Variants in ABHD10 observed in about 807,000 individuals in gnomAD.
ABHD10 encodes abhydrolase domain containing 10, depalmitoylase, also known as palmitoyl-protein thioesterase ABHD10, mitochondrial.
ABHD10 carries 22 observed loss-of-function variants against 33.1 expected under a neutral mutation model. The observed-to-expected ratio is 0.66, with a 90% CI of 0.47 to 0.95. The LOEUF (loss-of-function observed/expected upper bound fraction) is 0.95, where lower values mean the gene tolerates loss of function less well. ABHD10 is among the 40% of genes least tolerant of loss of function. ABHD10 has a pLI of 0.00. For synonymous variants in ABHD10, 146 were observed against 133.9 expected (o/e 1.09, Z -0.62); for missense variants, 352 against 379.9 (o/e 0.93, Z 0.61).
intron 3 of ABHD10, 131 bp from the exon 4 acceptor site, chr3:111,986,783 T>C: frequency 1.4e-6 from 1 of 721,376 alleles, no homozygotes; most frequent in Non-Finnish European, 2.1e-6. Flanking sequence ...TTTAAATGTT[T>C]AATCCATTTT....
At chr3:111,987,696 CTG>C (rs1248840439) in intron 4 of ABHD10, among the ~76,000 whole-genome samples, 2 of 152,200 alleles carry the variant, frequency 1.3e-5, no homozygotes, top group East Asian at 1.9e-4. Context: ...GAAAAAAAGA[CTG>C]TACACGTTCA....
chr3:111,984,321 T>C (rs2072625516), intron 2 of ABHD10, among the ~76,000 whole-genome samples: 2 of 152,164 alleles, frequency 1.3e-5, no homozygotes, highest in African/African-American at 4.8e-5. Context: ...CTATTTCTCA[T>C]AAATCCCTTA....
chr3:111,989,336 G>C (rs1559937846), intron 4 of ABHD10, among the ~76,000 whole-genome samples: 1 of 152,196 alleles, frequency 6.6e-6, no homozygotes, highest in Non-Finnish European at 1.5e-5. Flanking sequence ...GCCTTGATAA[G>C]TTTTGTTGAT....
intron 1 of ABHD10, 127 bp downstream of exon 1, chr3:111,979,330 C>T (rs2072548006): frequency 8.6e-7 from 1 of 1,156,902 alleles, no homozygotes; most frequent in East Asian, 2.7e-5. Context: ...TCTCAACACC[C>T]CAGTTCTAGG....
chr3:111,980,917 T>C (rs1178460667), intron 1 of ABHD10, among the ~76,000 whole-genome samples: 1 of 152,090 alleles, frequency 6.6e-6, no homozygotes, highest in Non-Finnish European at 1.5e-5. Flanking sequence ...GGCGGGTGGA[T>C]GGGAGTCAGT....
chr3:111,983,993 A>T (rs2072620517), intron 2 of ABHD10, among the ~76,000 whole-genome samples: 1 of 152,136 alleles, frequency 6.6e-6, no homozygotes. Flanking sequence ...TGTTAGTATC[A>T]CCAAGTATTT....
Position 111,991,783 on chromosome 3 carries a change from A to G in ABHD10, c.*62A>G, listed in dbSNP as rs2072742921. ...CAGAAGATTGGAAGAGGGATAAGAA[A>G]TGAAAGATCCTGATACTTTAGGTTT... On this transcript the variant is annotated 3_prime_UTR_variant, in exon 5 of 5. Coordinates refer to ENST00000273359, the MANE Select transcript of ABHD10 (RefSeq NM_018394.4). 7.6e-7 allele frequency: 1 copy of G among 1,309,548 alleles called. No individual in the cohort carries two copies. The highest frequency in any genetic ancestry group is 1.1e-6 in the Non-Finnish European group (1 of 946,402). 81.1% of individuals were successfully genotyped at this position (1,309,548 alleles called of 1,614,324 possible). A position where few individuals can be genotyped will look rare whatever the true frequency, so the allele number is the denominator to read the frequency against.
At chr3:111,987,517 A>G (rs987618302) in intron 4 of ABHD10, among the ~76,000 whole-genome samples, 6 of 152,170 alleles carry the variant, frequency 3.9e-5, no homozygotes, top group Non-Finnish European at 8.8e-5. Context: ...AAGACCTCCC[A>G]TGGATACCAA....
At chr3:111,988,815 C>T (rs974934632) in intron 4 of ABHD10, among the ~76,000 whole-genome samples, 2 of 152,126 alleles carry the variant, frequency 1.3e-5, no homozygotes, top group Admixed American at 1.3e-4. Flanking sequence ...GTCTTGAACT[C>T]CTAGGCTCAA....
At chr3:111,979,267 C>A (rs1244215886) in intron 1 of ABHD10, 64 bp downstream of exon 1, 12 of 1,512,828 alleles carry the variant, frequency 7.9e-6, no homozygotes, top group Non-Finnish European at 1.1e-5. Context: ...CGTCAGTTAC[C>A]GTGCCTGTGC....
intron 4 of ABHD10, among the ~76,000 whole-genome samples, chr3:111,989,504 G>T (rs1251267080): frequency 1.3e-5 from 2 of 152,204 alleles, no homozygotes; most frequent in South Asian, 2.1e-4. Flanking sequence ...AGCAGAGCTA[G>T]TTGGGGGCCA....
intron 3 of ABHD10, among the ~76,000 whole-genome samples, chr3:111,986,656 C>T (rs1015499988): frequency 7.9e-5 from 12 of 152,158 alleles, no homozygotes; most frequent in African/African-American, 2.9e-4. Context: ...AGGATGGTCT[C>T]GATCTCCTGA....
At chr3:111,981,326 A>G (rs1409316178) in intron 1 of ABHD10, among the ~76,000 whole-genome samples, 3 of 151,376 alleles carry the variant, frequency 2.0e-5, no homozygotes, top group Non-Finnish European at 2.9e-5. Context: ...AAAAAAAAAA[A>G]AAAAAAAGAA....
Position 111,979,072 on chromosome 3 carries a change from C to T in ABHD10, c.11C>T (p.Ala4Val). The T allele has an allele frequency of 1.2e-6, 2 of 1,612,856 alleles. No homozygotes were observed. Among genetic ancestry groups the T allele is most frequent in the South Asian group, 2.2e-5 (2 of 90,952 alleles). MAV[A>V]RLAAVAAWVP... The stretch of plus-strand genomic sequence containing the variant: ...GGGACAACTACGAAGATGGCGGTTG[C>T]GCGCTTGGCAGCTGTGGCGGCCTGG... The change falls in exon 1 of 5, where the codon GCG (alanine) becomes GTG (valine). Residue 4 changes from alanine (A) to valine (V), a missense_variant. By Grantham distance (64) the Ala-to-Val change is moderately conservative. Transcript: ENST00000273359.
intron 4 of ABHD10, among the ~76,000 whole-genome samples, chr3:111,989,358 T>A (rs2072713396): frequency 6.6e-6 from 1 of 152,238 alleles, no homozygotes. Flanking sequence ...TAGAACTTAA[T>A]ATATTGTACA....
intron 1 of ABHD10, among the ~76,000 whole-genome samples, chr3:111,980,126 A>G (rs571484769): frequency 6.6e-6 from 1 of 152,340 alleles, no homozygotes; most frequent in South Asian, 2.1e-4. Context: ...ATATAATTAT[A>G]TGAATCTGTC....
chr3:111,984,728 A>T (rs893579737), intron 2 of ABHD10, among the ~76,000 whole-genome samples: 4 of 152,224 alleles, frequency 2.6e-5, no homozygotes, highest in Admixed American at 2.0e-4. Context: ...TAAAGAAAAA[A>T]ACTGACATGT....
At chr3:111,987,848 C>T (rs1048041839) in intron 4 of ABHD10, among the ~76,000 whole-genome samples, 3 of 152,128 alleles carry the variant, frequency 2.0e-5, no homozygotes, top group Non-Finnish European at 4.4e-5. Flanking sequence ...ACAGAACTCT[C>T]CAGACAGATA....
rs572163719 is a variant in ABHD10, at chr3:111,991,990, A to T, written c.*269A>T. 2.0e-5 allele frequency: 6 copies of T among 302,816 alleles called. No individual in the cohort carries two copies. Among genetic ancestry groups the T allele is most frequent in the Non-Finnish European group, 3.6e-5 (6 of 167,120 alleles). The allele number at this position is 302,816 out of a possible 1,614,324, so 18.8% of individuals were successfully genotyped here. ...AATTCAAGAAAAGTTTACCTTTCTT[A>T]TGCTTATGTTAGCTATGCCAGCTCT... On this transcript the variant is annotated 3_prime_UTR_variant, in exon 5 of 5. Coordinates refer to ENST00000273359, the MANE Select transcript of ABHD10 (RefSeq NM_018394.4).
Sources: allele counts gnomAD v4.1 joint callset (sites outside exome capture counted in the v4.1 genomes callset), GRCh38; gene constraint gnomAD v4.1.1; transcripts MANE v1.5; gene names NCBI Gene and HGNC (gene_info 2026-07-23, HGNC 2026-07-21).